DPY19L1: variants seen among roughly 807,000 people sequenced by gnomAD.
DPY19L1 encodes protein C-mannosyl-transferase DPY19L1.
DPY19L1 carries 35 observed loss-of-function variants against 96.9 expected under a neutral mutation model. That is an observed-to-expected ratio of 0.36 (90% CI 0.28 to 0.48). The LOEUF is 0.48. DPY19L1 is among the 20% of genes least tolerant of loss of function. The pLI is 0.99. For synonymous variants in DPY19L1, 205 were observed against 252.6 expected, an observed-to-expected ratio of 0.81 and a Z score of 1.79; for missense variants, 521 against 777.9, an observed-to-expected ratio of 0.67 and a Z score of 3.93.
At chr7:35,016,444 T>C (rs1785850137) in intron 3 of DPY19L1, among the ~76,000 whole-genome samples, 1 of 152,244 alleles carries the variant, frequency 6.6e-6, no homozygotes, top group Non-Finnish European at 1.5e-5. Context: ...GAATAAAGCA[T>C]CTTTCTGACT....
chr7:34,935,242 A>G (rs1783843587), intron 21 of DPY19L1, among the ~76,000 whole-genome samples: 1 of 152,130 alleles, frequency 6.6e-6, no homozygotes, highest in Admixed American at 6.5e-5. Flanking sequence ...GGAAAAAGAG[A>G]GGGCAAACAG....
At chr7:35,006,337 GT>G (rs1436044753) in intron 6 of DPY19L1, among the ~76,000 whole-genome samples, 1 of 152,132 alleles carries the variant, frequency 6.6e-6, no homozygotes, top group Non-Finnish European at 1.5e-5. Context: ...AAGAATAAAA[GT>G]TTTAGTATCA....
intron 19 of DPY19L1, among the ~76,000 whole-genome samples, 197 bp downstream of exon 19, chr7:34,939,956 A>AT (rs1448442055): frequency 2.0e-5 from 3 of 152,196 alleles, no homozygotes; most frequent in African/African-American, 4.8e-5. Flanking sequence ...TACTAAGAAC[A>AT]TATGTATAAC....
At chr7:34,991,777 T>G (rs1338786459) in intron 6 of DPY19L1, among the ~76,000 whole-genome samples, 1 of 152,200 alleles carries the variant, frequency 6.6e-6, no homozygotes, top group Non-Finnish European at 1.5e-5. Flanking sequence ...AAACATATAT[T>G]TTCTATGTGA....
At chr7:35,016,516 G>T (rs879373126) in intron 3 of DPY19L1, among the ~76,000 whole-genome samples, 5 of 152,156 alleles carry the variant, frequency 3.3e-5, no homozygotes, top group Non-Finnish European at 5.9e-5. Context: ...CTTAATAGAA[G>T]AATTATAGCT....
chr7:35,017,787 C>T, intron 3 of DPY19L1, 95 bp downstream of exon 3: 1 of 975,072 alleles, frequency 1.0e-6, no homozygotes, highest in Non-Finnish European at 1.5e-6. Context: ...TCTACTCTTT[C>T]TACTTTGGAA....
intron 7 of DPY19L1, among the ~76,000 whole-genome samples, chr7:34,983,919 T>G (rs775246737): frequency 1.3e-5 from 2 of 151,894 alleles, no homozygotes; most frequent in African/African-American, 4.8e-5. Flanking sequence ...ATCAAACCAA[T>G]AAAAACCAAA....
chr7:34,957,951 A>G, intron 11 of DPY19L1, 33 bp downstream of exon 11: 2 of 1,418,604 alleles, frequency 1.4e-6, no homozygotes. Context: ...ATTAGTTTCA[A>G]AAACAGCCAT....
At chr7:35,032,469 GC>G (rs1217018003) in intron 1 of DPY19L1, among the ~76,000 whole-genome samples, 1 of 152,110 alleles carries the variant, frequency 6.6e-6, no homozygotes, top group Admixed American at 6.5e-5. Flanking sequence ...CAAAGAGTAA[GC>G]CCCCTATCAG....
intron 7 of DPY19L1, among the ~76,000 whole-genome samples, chr7:34,979,894 G>A (rs1273812137): frequency 6.6e-6 from 1 of 152,014 alleles, no homozygotes. Context: ...TTGAAAGAGA[G>A]GGAAGTAGTG....
chr7:35,011,286 A>C (rs773375490), intron 5 of DPY19L1, 44 bp downstream of exon 5: 8 of 1,598,308 alleles, frequency 5.0e-6, no homozygotes, highest in Non-Finnish European at 6.8e-6. Context: ...TAAGTTTATT[A>C]TGTTACAACA....
At chr7:35,007,844 A>G (rs1353134089) in intron 6 of DPY19L1, among the ~76,000 whole-genome samples, 3 of 152,074 alleles carry the variant, frequency 2.0e-5, no homozygotes, top group Non-Finnish European at 4.4e-5. Flanking sequence ...CAAGTGTTCT[A>G]TGAGATCATA....
intron 1 of DPY19L1, among the ~76,000 whole-genome samples, chr7:35,031,257 T>C (rs534554314): frequency 1.8e-4 from 27 of 152,346 alleles, no homozygotes; most frequent in African/African-American, 6.3e-4. Flanking sequence ...CACATGCAGA[T>C]ATTATTCCCT....
intron 3 of DPY19L1, among the ~76,000 whole-genome samples, chr7:35,016,002 T>TA (rs936608714): frequency 1.2e-4 from 18 of 151,812 alleles, no homozygotes; most frequent in Non-Finnish European, 2.4e-4. Flanking sequence ...ATCAAATAAG[T>TA]AAAAAAAAAT....
At chr7:34,946,773 G>C (rs913228147) in intron 15 of DPY19L1, among the ~76,000 whole-genome samples, 1 of 152,180 alleles carries the variant, frequency 6.6e-6, no homozygotes, top group African/African-American at 2.4e-5. Context: ...ATGATGCGAG[G>C]CTCCTAACAA....
At chr7:34,993,610 C>T (rs1785219940) in intron 6 of DPY19L1, among the ~76,000 whole-genome samples, 1 of 151,766 alleles carries the variant, frequency 6.6e-6, no homozygotes, top group Non-Finnish European at 1.5e-5. Context: ...CCAACCCTGC[C>T]CCCCCACCCA....
intron 6 of DPY19L1, among the ~76,000 whole-genome samples, chr7:34,994,976 G>C (rs1396862172): frequency 6.6e-6 from 1 of 152,086 alleles, no homozygotes; most frequent in Non-Finnish European, 1.5e-5. Context: ...CTAAAATACA[G>C]GTTATGGTCC....
intron 10 of DPY19L1, among the ~76,000 whole-genome samples, chr7:34,962,192 A>AC (rs1439828899): frequency 1.3e-5 from 2 of 152,234 alleles, no homozygotes; most frequent in African/African-American, 4.8e-5. Flanking sequence ...GAGTTAACCA[A>AC]CAAGTTATTC....
chr7:35,015,025 G>A (rs1397519712), intron 3 of DPY19L1, among the ~76,000 whole-genome samples: 4 of 152,106 alleles, frequency 2.6e-5, no homozygotes, highest in Admixed American at 6.6e-5. Context: ...CAAGATGCCC[G>A]TCAACACCTT....
Sources: allele counts gnomAD v4.1 joint callset (sites outside exome capture counted in the v4.1 genomes callset), GRCh38; gene constraint gnomAD v4.1.1; transcripts MANE v1.5; gene names NCBI Gene and HGNC (gene_info 2026-07-23, HGNC 2026-07-21).